Variants in SCAND3 observed in about 807,000 individuals in gnomAD.
SCAND3 encodes SCAN domain containing 3, also known as SCAN domain-containing protein 3.
the SCAND3 span, among the ~76,000 whole-genome samples, chr6:28,606,242 AT>A: frequency 6.6e-6 from 1 of 152,140 alleles, no homozygotes; most frequent in Non-Finnish European, 1.5e-5. Context: ...ATAGAAGGGT[AT>A]TTTTGTATTA....
At chr6:28,603,309 C>T in the SCAND3 span, among the ~76,000 whole-genome samples, 5 of 152,150 alleles carry the variant, frequency 3.3e-5, no homozygotes, top group Non-Finnish European at 4.4e-5. Context: ...TTAAAGTTTA[C>T]TTTGATGGGT....
At chr6:28,597,029 G>C in the SCAND3 span, among the ~76,000 whole-genome samples, 2 of 152,170 alleles carry the variant, frequency 1.3e-5, no homozygotes, top group African/African-American at 2.4e-5. Flanking sequence ...CTTCAGAAGA[G>C]CTGGAAACTC....
At chr6:28,580,499 CAA>C in the SCAND3 span, among the ~76,000 whole-genome samples, 1 of 151,916 alleles carries the variant, frequency 6.6e-6, no homozygotes. Context: ...ATCATTTTCT[CAA>C]AATTCATAAA....
the SCAND3 span, among the ~76,000 whole-genome samples, chr6:28,606,400 C>G: frequency 2.0e-5 from 3 of 152,132 alleles, no homozygotes; most frequent in Non-Finnish European, 4.4e-5. Flanking sequence ...CTTCCCCCAC[C>G]TCCCCTCACC....
the SCAND3 span, chr6:28,575,259 C>T: frequency 1.2e-6 from 2 of 1,614,000 alleles, no homozygotes; most frequent in Admixed American, 1.7e-5. The surrounding 1 kb of genome is among the most constrained non-coding windows in gnomAD (Gnocchi z 4.2). Context: ...AGGAGAAAAT[C>T]CTCTTTCGGA....
chr6:28,583,519 A>G, the SCAND3 span, among the ~76,000 whole-genome samples: 5 of 152,222 alleles, frequency 3.3e-5, no homozygotes, highest in Non-Finnish European at 5.9e-5. Flanking sequence ...TACAAGAAAC[A>G]TGATGTGGGT....
the SCAND3 span, chr6:28,575,742 A>G: frequency 6.2e-7 from 1 of 1,614,114 alleles, no homozygotes; most frequent in South Asian, 1.1e-5. This position sits in a 1 kb window ranked among gnomAD's most constrained non-coding sequence, Gnocchi z 4.2. Context: ...GAGTACGTCC[A>G]CCATGTCCAA....
At chr6:28,586,592 C>T in the SCAND3 span, 1 of 1,614,234 alleles carries the variant, frequency 6.2e-7, no homozygotes, top group Non-Finnish European at 8.5e-7. The surrounding 1 kb of genome is among the most constrained non-coding windows in gnomAD (Gnocchi z 4.4). Flanking sequence ...AAGACAAATT[C>T]CTACGTAGGG....
At chr6:28,575,863 A>T in the SCAND3 span, 2 of 1,614,118 alleles carry the variant, frequency 1.2e-6, no homozygotes, top group African/African-American at 2.7e-5. The surrounding 1 kb of genome is among the most constrained non-coding windows in gnomAD (Gnocchi z 4.2). Flanking sequence ...ATTTCCTTGT[A>T]CAAGGATAAC....
At chr6:28,573,018 T>C in the SCAND3 span, 21 of 1,613,120 alleles carry the variant, frequency 1.3e-5, no homozygotes, top group Middle Eastern at 1.6e-4. Flanking sequence ...CCAAACCACA[T>C]TTGTTAACAA....
the SCAND3 span, chr6:28,574,908 TCTTAGTCTG>T: frequency 6.2e-7 from 1 of 1,613,850 alleles, no homozygotes; most frequent in African/African-American, 1.3e-5. Flanking sequence ...AGGATAAAAA[TCTTAGTCTG>T]CTCTCAGGAG....
At chr6:28,593,708 T>C in the SCAND3 span, 1 of 152,100 alleles carries the variant, frequency 6.6e-6, no homozygotes, top group Non-Finnish European at 1.5e-5. Context: ...TTTGGCTTTG[T>C]TTTGCTTTTT....
chr6:28,585,514 G>T, the SCAND3 span, among the ~76,000 whole-genome samples: 6 of 152,146 alleles, frequency 3.9e-5, no homozygotes, highest in African/African-American at 1.4e-4. Context: ...TCAACTTGCT[G>T]GGAAAACTCA....
chr6:28,572,082 A>C, the SCAND3 span: 472 of 1,614,082 alleles, frequency 2.9e-4, 2 homozygotes, highest in Admixed American at 6.2e-4. This position sits in a 1 kb window ranked among gnomAD's most constrained non-coding sequence, Gnocchi z 4.1. Context: ...AGGGGAAAAG[A>C]AGCAGCAATT....
the SCAND3 span, among the ~76,000 whole-genome samples, chr6:28,592,313 TAAG>T: frequency 6.6e-6 from 1 of 152,030 alleles, no homozygotes; most frequent in Non-Finnish European, 1.5e-5. This position sits in a 1 kb window ranked among gnomAD's most constrained non-coding sequence, Gnocchi z 4.1. Flanking sequence ...AAAAGGAAAT[TAAG>T]AAAACAATCC....
At chr6:28,584,476 T>C in the SCAND3 span, among the ~76,000 whole-genome samples, 7 of 152,240 alleles carry the variant, frequency 4.6e-5, no homozygotes, top group Non-Finnish European at 1.0e-4. Context: ...GTCTTTACAA[T>C]TCATTTTAAA....
the SCAND3 span, chr6:28,586,179 A>G: frequency 1.3e-6 from 1 of 779,868 alleles, no homozygotes; most frequent in East Asian, 2.5e-5. The surrounding 1 kb of genome is among the most constrained non-coding windows in gnomAD (Gnocchi z 4.4). Context: ...CAGTGATCAA[A>G]TAAGAAATAA....
At chr6:28,600,685 A>G in the SCAND3 span, among the ~76,000 whole-genome samples, 2 of 152,172 alleles carry the variant, frequency 1.3e-5, no homozygotes, top group Non-Finnish European at 2.9e-5. Flanking sequence ...CCCAGAAATA[A>G]TATATGAACT....
chr6:28,598,047 G>A, the SCAND3 span: 5 of 152,146 alleles, frequency 3.3e-5, no homozygotes, highest in East Asian at 9.6e-4. Flanking sequence ...TTTCGTTCTA[G>A]AGTAGTTTGG....
Sources: allele counts gnomAD v4.1 joint callset (sites outside exome capture counted in the v4.1 genomes callset), GRCh38; gene constraint gnomAD v4.1.1; non-coding constraint Gnocchi (gnomAD v3.1); transcripts MANE v1.5; gene names NCBI Gene and HGNC (gene_info 2026-07-23, HGNC 2026-07-21).